KCNH8: variants seen among roughly 807,000 people sequenced by gnomAD.
The protein encoded by KCNH8 is potassium voltage-gated channel subfamily H member 8.
Under a neutral mutation model 103.6 loss-of-function variants are expected in KCNH8, and 70 were observed. The ratio of observed to expected loss-of-function variants is 0.68; its 90% CI spans 0.56 to 0.82. KCNH8 has a LOEUF of 0.82. KCNH8 is among the 40% of genes least tolerant of loss of function. The probability of loss-of-function intolerance (pLI) is 0.00; values close to 1 mark genes in which losing one functional copy is unlikely to be tolerated. For missense variants in KCNH8, 1,217 were observed against 1,329.9 expected (o/e 0.92, Z 1.32); for synonymous variants, 498 against 489.4 (o/e 1.02, Z -0.23).
chr3:19,404,408 G>C (rs988256947), intron 7 of KCNH8, among the ~76,000 whole-genome samples: 1 of 151,886 alleles, frequency 6.6e-6, no homozygotes, highest in African/African-American at 2.4e-5. Flanking sequence ...TCTTTTTTGA[G>C]TATTTTCTCC....
At chr3:19,209,241 C>T (rs2063746138) in intron 1 of KCNH8, among the ~76,000 whole-genome samples, 1 of 152,010 alleles carries the variant, frequency 6.6e-6, no homozygotes, top group Non-Finnish European at 1.5e-5. Flanking sequence ...GCATTTTTTA[C>T]TTAAAAGGAT....
intron 5 of KCNH8, among the ~76,000 whole-genome samples, chr3:19,353,433 A>G (rs2065833329): frequency 6.6e-6 from 1 of 152,014 alleles, no homozygotes; most frequent in African/African-American, 2.4e-5. Context: ...AAAACAAAAA[A>G]AGAGAATTTT....
chr3:19,487,887 G>A (rs1172453302), intron 11 of KCNH8, among the ~76,000 whole-genome samples: 2 of 152,170 alleles, frequency 1.3e-5, no homozygotes, highest in Non-Finnish European at 1.5e-5. Flanking sequence ...CAGCAGGTCC[G>A]TGGTAGACAG....
Position 19,451,259 on chromosome 3 carries a change from C to T in KCNH8, c.1680C>T (p.Leu560=). ...TTGAATGTGCCAGCCGGGGCTGCCTCAGGTCTCTGTCTCTACACATCAAAA... is the reference window on the plus strand; with the variant it reads ...TTGAATGTGCCAGCCGGGGCTGCCTTAGGTCTCTGTCTCTACACATCAAAA... ...SLFECASRGC[L]RSLSLHIKTS... is the part of the protein sequence containing the mutation. Residue 560 remains leucine, a synonymous_variant, in exon 10 of 16, where the codon CTC becomes CTT. Coordinates refer to ENST00000328405, the MANE Select transcript of KCNH8 (RefSeq NM_144633.3). The T allele has an allele frequency of 1.2e-6, 2 of 1,613,972 alleles. No homozygotes were observed. The highest frequency in any genetic ancestry group is 4.5e-5 in the East Asian group (2 of 44,870).
intron 1 of KCNH8, among the ~76,000 whole-genome samples, chr3:19,215,180 G>A (rs561844595): frequency 4.9e-4 from 75 of 152,280 alleles, no homozygotes; most frequent in African/African-American, 1.8e-3. Flanking sequence ...GGTTTATTTG[G>A]GGTAGAGTAG....
At chr3:19,417,970 T>C (rs1360336154) in intron 7 of KCNH8, among the ~76,000 whole-genome samples, 2 of 152,158 alleles carry the variant, frequency 1.3e-5, no homozygotes, top group Non-Finnish European at 2.9e-5. Context: ...CACAAAAATA[T>C]TGTAAAAAGT....
chr3:19,304,206 T>A (rs991325166), intron 3 of KCNH8, among the ~76,000 whole-genome samples: 28 of 152,264 alleles, frequency 1.8e-4, no homozygotes, highest in African/African-American at 6.5e-4. Context: ...ATTCTCAATA[T>A]ACTGACATCA....
intron 3 of KCNH8, among the ~76,000 whole-genome samples, chr3:19,288,750 A>T (rs2064873504): frequency 6.6e-6 from 1 of 152,182 alleles, no homozygotes; most frequent in South Asian, 2.1e-4. Context: ...ATACCCAGTA[A>T]TGGGATGGCT....
intron 5 of KCNH8, among the ~76,000 whole-genome samples, chr3:19,373,041 A>G (rs1043905854): frequency 6.6e-6 from 1 of 151,954 alleles, no homozygotes; most frequent in South Asian, 2.1e-4. Context: ...TTTTGCATCA[A>G]TGTTCATCAA....
intron 15 of KCNH8, among the ~76,000 whole-genome samples, chr3:19,528,744 CA>C (rs1310699459): frequency 6.6e-6 from 1 of 151,878 alleles, no homozygotes; most frequent in Non-Finnish European, 1.5e-5. Flanking sequence ...ATATAACAAC[CA>C]AAAGTCCTTC....
intron 2 of KCNH8, among the ~76,000 whole-genome samples, chr3:19,260,343 C>T (rs1408249805): frequency 6.6e-6 from 1 of 150,802 alleles, no homozygotes; most frequent in African/African-American, 2.4e-5. Context: ...CTTATGATTT[C>T]AGATCCTGAT....
At chr3:19,177,722 A>C (rs1258197844) in intron 1 of KCNH8, among the ~76,000 whole-genome samples, 1 of 152,110 alleles carries the variant, frequency 6.6e-6, no homozygotes, top group Non-Finnish European at 1.5e-5. Context: ...AGAATCATGA[A>C]TGAACTAATT....
chr3:19,364,648 C>G (rs1446979722), intron 5 of KCNH8, among the ~76,000 whole-genome samples: 4 of 151,862 alleles, frequency 2.6e-5, no homozygotes, highest in South Asian at 4.2e-4. Context: ...AGTGTCTTAT[C>G]TCAAAAATGT....
At chr3:19,437,979 G>A (rs2067226034) in intron 7 of KCNH8, among the ~76,000 whole-genome samples, 185 bp from the exon 8 acceptor site, 1 of 152,152 alleles carries the variant, frequency 6.6e-6, no homozygotes, top group South Asian at 2.1e-4. Flanking sequence ...AGAACAGCAT[G>A]AGTAAAATTA....
At chr3:19,190,521 A>C (rs763629396) in intron 1 of KCNH8, among the ~76,000 whole-genome samples, 3 of 152,016 alleles carry the variant, frequency 2.0e-5, no homozygotes, top group Non-Finnish European at 4.4e-5. Context: ...AGTTATAAGG[A>C]ATAAAATATA....
chr3:19,377,709 T>C (rs374046747), intron 5 of KCNH8, among the ~76,000 whole-genome samples: 33 of 152,248 alleles, frequency 2.2e-4, no homozygotes, highest in East Asian at 1.2e-3. Flanking sequence ...AAGAAAAACT[T>C]ATTTATGAGT....
chr3:19,212,519 C>T (rs1457061537), intron 1 of KCNH8, among the ~76,000 whole-genome samples: 1 of 152,184 alleles, frequency 6.6e-6, no homozygotes, highest in Non-Finnish European at 1.5e-5. Context: ...TGGCCATTTA[C>T]TGACTAGTTT....
chr3:19,386,316 A>C (rs1184190481), intron 5 of KCNH8, among the ~76,000 whole-genome samples: 1 of 152,180 alleles, frequency 6.6e-6, no homozygotes, highest in Non-Finnish European at 1.5e-5. Flanking sequence ...TCTGCAAAAT[A>C]ATTGTCATCT....
intron 1 of KCNH8, among the ~76,000 whole-genome samples, chr3:19,174,006 C>T (rs1031092941): frequency 4.0e-5 from 6 of 150,722 alleles, no homozygotes; most frequent in African/African-American, 1.5e-4. Flanking sequence ...TTTTTCTCCC[C>T]TATTACCACT....
Sources: allele counts gnomAD v4.1 joint callset (sites outside exome capture counted in the v4.1 genomes callset), GRCh38; gene constraint gnomAD v4.1.1; transcripts MANE v1.5; gene names NCBI Gene and HGNC (gene_info 2026-07-23, HGNC 2026-07-21).